The following CAPN11 variants were observed in gnomAD, a reference collection of about 807,000 sequenced individuals.
The protein encoded by CAPN11 is calpain 11, also known as calpain-11.
Under a neutral mutation model 105.3 loss-of-function variants are expected in CAPN11, and 108 were observed. The observed-to-expected ratio is 1.03, with a 90% CI of 0.88 to 1.20. CAPN11 has a LOEUF of 1.20. Ranked by LOEUF, CAPN11 falls within the 50% of genes most tolerant of loss-of-function variation. The pLI is 0.00. For missense variants in CAPN11, 883 were observed against 924.8 expected (o/e 0.95, Z 0.59); for synonymous variants, 329 against 344.5 (o/e 0.96, Z 0.50).
rs754589657 is a variant in CAPN11 at position 44,181,720 on chromosome 6, C to CACAT, written c.1938+403_1938+404insTACA. Among the ~76,000 whole-genome samples the CACAT allele has an allele frequency of 2.0e-3, 17 of 8,550 alleles. 7 individuals carry two copies. Among genetic ancestry groups the CACAT allele is most frequent in the African/African-American group, 0.02 (15 of 768 alleles). 5.6% of individuals were successfully genotyped at this position (8,550 alleles called of 152,430 possible). A position where few individuals can be genotyped will look rare whatever the true frequency, so the allele number is the denominator to read the frequency against. On this transcript the variant is annotated intron_variant, in intron 19 of 22. Transcript: ENST00000398776. ...CACCACACTCACACACACACACACT[C>CACAT]ACAGACACAACCACACCACACTCAC...
chr6:44,181,357 G>A, intron 19 of CAPN11, 37 bp downstream of exon 19: 1 of 1,582,512 alleles, frequency 6.3e-7, no homozygotes, highest in South Asian at 1.1e-5. Context: ...CAGGGGTGAG[G>A]AAAAGAGGGT....
chr6:44,179,910 C>A, intron 13 of CAPN11, 42 bp from the exon 14 acceptor site: 2 of 1,496,702 alleles, frequency 1.3e-6, no homozygotes, highest in Middle Eastern at 1.7e-4. Context: ...CCCTCCCTAA[C>A]CTCCCATGCC....
chr6:44,176,009 G>A (rs1017659189), intron 7 of CAPN11, 59 bp from the exon 8 acceptor site: 83 of 1,186,524 alleles, frequency 7.0e-5, no homozygotes, highest in Non-Finnish European at 5.0e-6. Flanking sequence ...TGGGTGCCCA[G>A]TCCAGGTCCT....
At chr6:44,181,084 C>A in intron 18 of CAPN11, 87 bp downstream of exon 18, 1 of 1,294,826 alleles carries the variant, frequency 7.7e-7, no homozygotes, top group Non-Finnish European at 1.1e-6. Flanking sequence ...GCCACGTCCT[C>A]CTCCCTGATG....
rs752089341 is a variant in CAPN11, at chr6:44,181,272, G to T, written c.1890G>T (p.Leu630=). The change falls in exon 19 of 23, where the codon CTG becomes CTT. Residue 630 remains leucine (L), a synonymous_variant. Coordinates refer to ENST00000398776, the MANE Select transcript of CAPN11 (RefSeq NM_007058.4). ...NLMDKDGSGK[L]GLLEFKILWK... Reference sequence around the variant, plus strand: ...TCCAGAAAGATGGCTCTGGCAAGCTGGGGCTTCTAGAGTTCAAGATCCTGT... The same window carrying T: ...TCCAGAAAGATGGCTCTGGCAAGCTTGGGCTTCTAGAGTTCAAGATCCTGT... The T allele has an allele frequency of 2.5e-6, 4 of 1,613,368 alleles. No homozygotes were observed. The highest frequency in any genetic ancestry group is 3.4e-6 in the Non-Finnish European group (4 of 1,179,578).
At chr6:44,172,184 C>CGG in intron 4 of CAPN11, 118 bp from the exon 5 acceptor site, 1 of 596,592 alleles carries the variant, frequency 1.7e-6, no homozygotes, top group South Asian at 2.3e-5. Context: ...GCCTCTCCGC[C>CGG]GGGGGGGTGA....
intron 5 of CAPN11, 78 bp downstream of exon 5, chr6:44,172,498 T>C (rs1379640592): frequency 1.2e-6 from 1 of 846,408 alleles, no homozygotes; most frequent in Non-Finnish European, 1.8e-6. Context: ...GTTTACCTTC[T>C]TTCCTTTTGA....
chr6:44,162,338 G>A (rs959396540), intron 1 of CAPN11, among the ~76,000 whole-genome samples: 3 of 147,522 alleles, frequency 2.0e-5, no homozygotes, highest in South Asian at 2.2e-4. Context: ...CCCCGCCCCC[G>A]CAGCCCCCCT....
intron 2 of CAPN11, among the ~76,000 whole-genome samples, chr6:44,168,330 C>A (rs1770336964): frequency 1.3e-5 from 2 of 152,160 alleles, no homozygotes; most frequent in Non-Finnish European, 2.9e-5. Flanking sequence ...AGTTCGGTGG[C>A]ACCATCTCGG....
chr6:44,165,736 TG>T (rs767429853), intron 1 of CAPN11, among the ~76,000 whole-genome samples: 4 of 152,184 alleles, frequency 2.6e-5, no homozygotes, highest in East Asian at 1.9e-4. Flanking sequence ...GTCAAAGGGA[TG>T]GGTCTGTACT....
chr6:44,164,295 TAAAC>T (rs1045840488), intron 1 of CAPN11, among the ~76,000 whole-genome samples: 7 of 152,040 alleles, frequency 4.6e-5, no homozygotes, highest in Admixed American at 3.3e-4. Context: ...AGGTAAACAA[TAAAC>T]AAAATATATA....
intron 14 of CAPN11, 55 bp from the exon 15 acceptor site, chr6:44,180,405 A>C (rs1045229189): frequency 6.3e-7 from 1 of 1,585,040 alleles, no homozygotes; most frequent in Non-Finnish European, 8.7e-7. Flanking sequence ...CACCCCACTA[A>C]AACCCCCACC....
chr6:44,181,085 C>A, intron 18 of CAPN11, 88 bp downstream of exon 18: 2 of 1,288,842 alleles, frequency 1.6e-6, no homozygotes, highest in South Asian at 1.2e-5. Context: ...CCACGTCCTC[C>A]TCCCTGATGG....
chr6:44,162,586 C>A (rs541666615), intron 1 of CAPN11, among the ~76,000 whole-genome samples: 1 of 152,240 alleles, frequency 6.6e-6, no homozygotes, highest in East Asian at 1.9e-4. Context: ...CCTGATGCTT[C>A]CAGAACCAGG....
chr6:44,167,358 T>C (rs4507572), intron 2 of CAPN11, among the ~76,000 whole-genome samples: 72,269 of 151,260 alleles, frequency 0.48, 17,614 homozygotes, highest in Non-Finnish European at 0.51. Context: ...ATTAGCCAGA[T>C]GTAGCAGTGG....
intron 6 of CAPN11, 52 bp from the exon 7 acceptor site, chr6:44,173,166 C>A (rs1381799794): frequency 1.2e-6 from 2 of 1,605,612 alleles, no homozygotes; most frequent in Non-Finnish European, 1.7e-6. Flanking sequence ...GACATCCCTC[C>A]CTCCCCTCAC....
chr6:44,177,409 G>A lies in CAPN11; in HGVS notation c.1405G>A (p.Val469Ile), dbSNP rs1279359040. ...AGCCCAGCTGCAGACCATTGGCTTT[G>A]TCCTCTACGCGGTGGGTGCCTGGCT... ...QGAQLQTIGF[V>I]LYAVPKEFQN... The change falls in exon 12 of 23, where the codon GTC (valine) becomes ATC (isoleucine). Residue 469 changes from valine to isoleucine, a missense_variant. Coordinates refer to ENST00000398776, the MANE Select transcript of CAPN11 (RefSeq NM_007058.4). 1 of 1,612,612 alleles carries A rather than the reference G, an allele frequency of 6.2e-7. No individual in the cohort carries two copies. The highest frequency in any genetic ancestry group is 1.7e-5 in the Admixed American group (1 of 60,012).
intron 17 of CAPN11, 27 bp downstream of exon 17, chr6:44,180,832 G>C (rs377423211): frequency 1.9e-6 from 3 of 1,611,382 alleles, no homozygotes; most frequent in Non-Finnish European, 2.5e-6. Context: ...TGCTGCACAC[G>C]ACCCCTCCCC....
At chr6:44,178,749 TTAAAAAAAAAA>T (rs1339068927) in intron 12 of CAPN11, among the ~76,000 whole-genome samples, 3 of 70,282 alleles carry the variant, frequency 4.3e-5, no homozygotes, top group Admixed American at 1.9e-4. Context: ...CCTGTCTCGA[TTAAAAAAAAAA>T]AAAAAAAAAA....
Sources: allele counts gnomAD v4.1 joint callset (sites outside exome capture counted in the v4.1 genomes callset), GRCh38; gene constraint gnomAD v4.1.1; transcripts MANE v1.5; gene names NCBI Gene and HGNC (gene_info 2026-07-23, HGNC 2026-07-21).